The following NCEH1 variants were observed in gnomAD, a reference collection of about 807,000 sequenced individuals.
NCEH1 encodes the protein neutral cholesterol ester hydrolase 1, also known as 2-acetyl MAGE hydrolase.
In NCEH1, 9 loss-of-function variants were observed where a neutral mutation model predicts 25.4. That is an observed-to-expected ratio of 0.35 (90% CI 0.21 to 0.62). NCEH1 has a LOEUF of 0.62. Among genes scored for constraint, NCEH1 ranks in the 20% least tolerant of loss-of-function variants. The probability of loss-of-function intolerance (pLI) is 0.72; values close to 1 mark genes in which losing one functional copy is unlikely to be tolerated. For synonymous variants in NCEH1, 200 were observed against 199.8 expected (o/e 1.00, Z -0.01); for missense variants, 412 against 501.1 (o/e 0.82, Z 1.70).
chr3:172,706,257 T>C (rs1394497644), intron 1 of NCEH1, among the ~76,000 whole-genome samples: 2 of 152,102 alleles, frequency 1.3e-5, no homozygotes, highest in African/African-American at 4.8e-5. Flanking sequence ...GATACAACTT[T>C]ATGGCCCAGA....
At chr3:172,688,618 G>C (rs943224855) in intron 1 of NCEH1, among the ~76,000 whole-genome samples, 3 of 152,150 alleles carry the variant, frequency 2.0e-5, no homozygotes, top group Non-Finnish European at 2.9e-5. Flanking sequence ...ATTTATATAA[G>C]ATATGTATTT....
intron 1 of NCEH1, among the ~76,000 whole-genome samples, chr3:172,690,005 G>A (rs944897606): frequency 6.6e-6 from 1 of 150,608 alleles, no homozygotes; most frequent in Non-Finnish European, 1.5e-5. Flanking sequence ...CCGGGTTCAC[G>A]CCATTCTCCT....
At chr3:172,651,452 C>T (rs1178274690) in intron 1 of NCEH1, among the ~76,000 whole-genome samples, 2 of 151,990 alleles carry the variant, frequency 1.3e-5, no homozygotes, top group Non-Finnish European at 2.9e-5. Context: ...ATTCAGTAGC[C>T]ACACCTTTCT....
At chr3:172,646,476 AG>A (rs1304129772) in intron 2 of NCEH1, among the ~76,000 whole-genome samples, 1 of 152,246 alleles carries the variant, frequency 6.6e-6, no homozygotes, top group Non-Finnish European at 1.5e-5. Context: ...CTAGAATTTT[AG>A]GAAGTCTTAG....
intron 1 of NCEH1, among the ~76,000 whole-genome samples, chr3:172,675,062 C>T (rs777323490): frequency 3.9e-5 from 6 of 152,170 alleles, no homozygotes; most frequent in African/African-American, 9.7e-5. Flanking sequence ...ATAATCCCGG[C>T]ACCTTGGGAG....
At chr3:172,694,074 T>C (rs1467321987) in intron 1 of NCEH1, among the ~76,000 whole-genome samples, 1 of 152,072 alleles carries the variant, frequency 6.6e-6, no homozygotes, top group Non-Finnish European at 1.5e-5. Flanking sequence ...TTTAAATTTT[T>C]TGTAGAGACG....
intron 4 of NCEH1, among the ~76,000 whole-genome samples, chr3:172,635,290 A>G (rs1306433595): frequency 3.9e-5 from 6 of 152,236 alleles, no homozygotes; most frequent in Non-Finnish European, 5.9e-5. Context: ...ACACCAAATG[A>G]AATTTGGAGG....
intron 1 of NCEH1, among the ~76,000 whole-genome samples, chr3:172,659,563 G>A (rs2108504921): frequency 6.6e-6 from 1 of 152,296 alleles, no homozygotes; most frequent in Non-Finnish European, 1.5e-5. Context: ...TAGCTGTGCA[G>A]CCAGGCAAAA....
intron 3 of NCEH1, among the ~76,000 whole-genome samples, chr3:172,641,194 A>G (rs1716834986): frequency 1.3e-5 from 2 of 151,614 alleles, no homozygotes; most frequent in Admixed American, 6.6e-5. Context: ...GGCCTTTTAT[A>G]TTCTAGATTG....
chr3:172,689,061 T>G (rs994055717), intron 1 of NCEH1, among the ~76,000 whole-genome samples: 2 of 152,296 alleles, frequency 1.3e-5, no homozygotes, highest in East Asian at 3.9e-4. Flanking sequence ...GACTTTGGTT[T>G]ACTCCTTGAC....
chr3:172,690,453 C>T (rs1184431100), intron 1 of NCEH1, among the ~76,000 whole-genome samples: 1 of 152,048 alleles, frequency 6.6e-6, no homozygotes, highest in East Asian at 1.9e-4. Flanking sequence ...AAGTGTGTAG[C>T]AAAATCAACA....
intron 1 of NCEH1, among the ~76,000 whole-genome samples, chr3:172,656,698 A>G (rs1408333461): frequency 3.9e-5 from 6 of 152,126 alleles, no homozygotes; most frequent in African/African-American, 1.2e-4. Flanking sequence ...ACCGGGAGGC[A>G]GAGACTTGCA....
At position 172,646,682 on chromosome 3, in the gene NCEH1, CCT is replaced by C. The variant is rs1425988659; in HGVS notation, c.368-992_368-991del. On this transcript the variant is annotated intron_variant, in intron 2 of 4. Coordinates refer to ENST00000475381, the MANE Select transcript of NCEH1 (RefSeq NM_020792.6). ...ATTACATAGACACCTGTTACCTCCA[CCT>C]GCTCAAGTTCTTCCTCAGGCAGAAG... is the stretch of plus-strand genomic sequence containing the variant. Among the ~76,000 whole-genome samples, 17 of 152,274 alleles carry C rather than the reference CCT, an allele frequency of 1.1e-4. No individual in the cohort carries two copies. In the South Asian group the frequency reaches 2.3e-3, roughly 20 times the overall value.
In NCEH1 at chr3:172,698,093, C is replaced by T. The variant is rs541913729; in HGVS notation, c.138+12754G>A. 5.9e-5 allele frequency among the ~76,000 whole-genome samples: 9 copies of T among 151,408 alleles called. No individual in the cohort carries two copies. The South Asian group carries it at 1.9e-3, about 32-fold the overall frequency. On this transcript the variant is annotated intron_variant, in intron 1 of 4. Coordinates refer to ENST00000475381, the MANE Select transcript of NCEH1 (RefSeq NM_020792.6). ...CTGGGTTCAAGCGACTCTCCTGCCT[C>T]AGCCTTCCAAGTAGCTGGGATTACA...
chr3:172,710,725 C>A, intron 1 of NCEH1, 122 bp downstream of exon 1: 1 of 1,086,102 alleles, frequency 9.2e-7, no homozygotes, highest in South Asian at 1.6e-5. Context: ...CCTCAAAAAG[C>A]GACAGCCTCA....
intron 3 of NCEH1, among the ~76,000 whole-genome samples, chr3:172,642,603 C>CAAAAAAAAAAA (rs66551744): frequency 1.2e-5 from 1 of 83,906 alleles, no homozygotes; most frequent in African/African-American, 4.9e-5. Context: ...GCTATTTCTA[C>CAAAAAAAAAAA]AAAAAAAAAA....
At chr3:172,640,086 C>T (rs1716779962) in intron 3 of NCEH1, among the ~76,000 whole-genome samples, 1 of 152,186 alleles carries the variant, frequency 6.6e-6, no homozygotes, top group Non-Finnish European at 1.5e-5. Flanking sequence ...ACCTGGAAGC[C>T]ATATGCACAA....
At chr3:172,674,443 CA>C (rs146923940) in intron 1 of NCEH1, among the ~76,000 whole-genome samples, 4,853 of 71,094 alleles carry the variant, frequency 0.068, 126 homozygotes, top group African/African-American at 0.2. Flanking sequence ...ACTCTGTCTC[CA>C]AAAAAAAAAA....
intron 1 of NCEH1, among the ~76,000 whole-genome samples, chr3:172,653,775 T>TTTG (rs71179998): frequency 8.2e-6 from 1 of 121,492 alleles, no homozygotes; most frequent in African/African-American, 2.9e-5. Context: ...TTTTTTTTTT[T>TTTG]GAGACAGAGT....
Sources: allele counts gnomAD v4.1 joint callset (sites outside exome capture counted in the v4.1 genomes callset), GRCh38; gene constraint gnomAD v4.1.1; transcripts MANE v1.5; gene names NCBI Gene and HGNC (gene_info 2026-07-23, HGNC 2026-07-21).